Variants in SUSD3 observed in about 807,000 individuals in gnomAD.
The protein encoded by SUSD3 is sushi domain containing 3, also known as sushi domain-containing protein 3.
In SUSD3, 18 loss-of-function variants were observed where a neutral mutation model predicts 20.6. The ratio of observed to expected loss-of-function variants is 0.87; its 90% CI spans 0.60 to 1.30. The LOEUF (loss-of-function observed/expected upper bound fraction) is 1.30, where lower values mean the gene tolerates loss of function less well. Among genes scored for constraint, SUSD3 ranks in the 50% most tolerant of loss-of-function variants. SUSD3 has a pLI of 0.00. For synonymous variants in SUSD3, 137 were observed against 141.5 expected (o/e 0.97, Z 0.23); for missense variants, 306 against 346.9 (o/e 0.88, Z 0.94).
At position 93,084,550 on chromosome 9, in the gene SUSD3, A is replaced by C; in HGVS notation, c.571A>C (p.Ser191Arg). 6.3e-7 allele frequency: 1 copy of C among 1,594,044 alleles called. No homozygotes were observed. Among genetic ancestry groups the C allele is most frequent in the Middle Eastern group, 1.7e-4 (1 of 6,012 alleles). ...CTCTCTCCACAGAGACCATGGTGAG[A>C]GCACCAGCAAGCTGGCCAGTGTGAC... is the stretch of plus-strand genomic sequence containing the variant. ...NHSFTTDHGE[S>R]TSKLASVTRS... is the part of the protein sequence containing the mutation. The change falls in exon 5 of 5, where the codon AGC becomes CGC. Residue 191 changes from serine to arginine, a missense_variant. By Grantham distance (110) the Ser-to-Arg change is moderately radical. Coordinates refer to ENST00000375472, the MANE Select transcript of SUSD3 (RefSeq NM_145006.4).
chr9:93,063,326 C>T (rs1422579175), intron 1 of SUSD3, among the ~76,000 whole-genome samples: 1 of 152,182 alleles, frequency 6.6e-6, no homozygotes, highest in Non-Finnish European at 1.5e-5. Context: ...AGATCCTGCT[C>T]CAAGATCTCC....
At chr9:93,075,405 G>A (rs1238593777) in intron 1 of SUSD3, among the ~76,000 whole-genome samples, 1 of 130,470 alleles carries the variant, frequency 7.7e-6, no homozygotes, top group Admixed American at 7.9e-5. Flanking sequence ...ATCTCTCTCT[G>A]TCCCTCTTTT....
In SUSD3 at chr9:93,066,620, T is replaced by C. The variant is rs373147143; in HGVS notation, c.88+7790T>C. On this transcript the variant is annotated intron_variant, in intron 1 of 4. Coordinates refer to ENST00000375472, the MANE Select transcript of SUSD3 (RefSeq NM_145006.4). ...CAGCTTTACTGGGCCATAATTCACA[T>C]ACCATACAATTTACCTTTTTAAATC... Among the ~76,000 whole-genome samples, 15 of 152,352 alleles carry C rather than the reference T, an allele frequency of 9.8e-5. No individual in the cohort carries two copies. In the East Asian group the frequency reaches 2.5e-3, roughly 25 times the overall value.
At chr9:93,073,416 A>C (rs987736366) in intron 1 of SUSD3, among the ~76,000 whole-genome samples, 1 of 151,528 alleles carries the variant, frequency 6.6e-6, no homozygotes, top group African/African-American at 2.4e-5. Context: ...CTGGCTAATT[A>C]TTTTTCTATT....
intron 1 of SUSD3, among the ~76,000 whole-genome samples, chr9:93,062,018 C>T (rs544438290): frequency 6.6e-6 from 1 of 152,218 alleles, no homozygotes; most frequent in Non-Finnish European, 1.5e-5. Flanking sequence ...GACCTGAGGT[C>T]CAAGGTTCCA....
chr9:93,084,380 G>A (rs183600043), intron 4 of SUSD3, among the ~76,000 whole-genome samples, 157 bp from the exon 5 acceptor site: 1 of 152,158 alleles, frequency 6.6e-6, no homozygotes, highest in African/African-American at 2.4e-5. Context: ...ACCTTAGGGT[G>A]CAGGGCAGCT....
intron 1 of SUSD3, 38 bp from the exon 2 acceptor site, chr9:93,075,740 ACCCCCC>A: frequency 1.4e-5 from 2 of 146,806 alleles, no homozygotes; most frequent in African/African-American, 1.4e-4. Context: ...CTGCGTGCCC[ACCCCCC>A]CCCCCCCGCC....
At chr9:93,079,404 C>T (rs974723836) in intron 3 of SUSD3, 67 bp from the exon 4 acceptor site, 48 of 1,568,538 alleles carry the variant, frequency 3.1e-5, no homozygotes, top group Non-Finnish European at 3.7e-5. Context: ...CTACATGGAG[C>T]CTGTTTCCAC....
intron 1 of SUSD3, among the ~76,000 whole-genome samples, chr9:93,065,796 C>A (rs1587899008): frequency 6.6e-6 from 1 of 152,264 alleles, no homozygotes; most frequent in Non-Finnish European, 1.5e-5. Context: ...TTCCTTTGTT[C>A]TTGCATTCAT....
intron 4 of SUSD3, among the ~76,000 whole-genome samples, chr9:93,084,119 C>G (rs961768287): frequency 1.2e-4 from 18 of 152,170 alleles, no homozygotes; most frequent in South Asian, 2.1e-4. Context: ...AAGAGGCAGG[C>G]CTGGCAGGAG....
intron 2 of SUSD3, among the ~76,000 whole-genome samples, chr9:93,076,765 G>A (rs1488562560): frequency 6.6e-6 from 1 of 152,200 alleles, no homozygotes; most frequent in Non-Finnish European, 1.5e-5. Flanking sequence ...CAACCTTCAG[G>A]GTGGGCAGGC....
At chr9:93,081,462 C>T (rs1338829311) in intron 4 of SUSD3, among the ~76,000 whole-genome samples, 1 of 152,150 alleles carries the variant, frequency 6.6e-6, no homozygotes, top group African/African-American at 2.4e-5. Context: ...CAGTAGCGCT[C>T]ACCCTTTCAA....
intron 1 of SUSD3, among the ~76,000 whole-genome samples, chr9:93,071,839 G>C (rs902128212): frequency 3.3e-5 from 5 of 152,288 alleles, no homozygotes; most frequent in East Asian, 1.9e-4. Context: ...GGATACTAGA[G>C]GCAACCGCAG....
At chr9:93,076,813 C>T (rs1221216871) in intron 2 of SUSD3, among the ~76,000 whole-genome samples, 2 of 152,232 alleles carry the variant, frequency 1.3e-5, no homozygotes, top group Non-Finnish European at 2.9e-5. Context: ...GAGCCAGGCC[C>T]CTTCCCTGGC....
chr9:93,064,565 A>G (rs1187411161), intron 1 of SUSD3, among the ~76,000 whole-genome samples: 1 of 152,234 alleles, frequency 6.6e-6, no homozygotes, highest in Non-Finnish European at 1.5e-5. Context: ...TGGCAGATGA[A>G]GTGTGAACCA....
At chr9:93,067,752 T>C (rs1272096992) in intron 1 of SUSD3, among the ~76,000 whole-genome samples, 1 of 147,326 alleles carries the variant, frequency 6.8e-6, no homozygotes, top group Admixed American at 6.6e-5. Context: ...GGCCCACCAC[T>C]ACGCCTGGCT....
At chr9:93,083,294 G>T (rs558856501) in intron 4 of SUSD3, among the ~76,000 whole-genome samples, 1 of 152,174 alleles carries the variant, frequency 6.6e-6, no homozygotes, top group African/African-American at 2.4e-5. Flanking sequence ...CAGAGAAGGC[G>T]GGTCCTGCCC....
At chr9:93,082,310 CTT>C (rs561486543) in intron 4 of SUSD3, among the ~76,000 whole-genome samples, 3,370 of 86,498 alleles carry the variant, frequency 0.039, 24 homozygotes, top group African/African-American at 0.11. Context: ...GGCCTCTTTC[CTT>C]TTTTTTTTTT....
intron 1 of SUSD3, among the ~76,000 whole-genome samples, chr9:93,075,411 C>CTTTTTTTTTTTTTTTTTTTTT (rs58393196): frequency 3.6e-4 from 36 of 101,276 alleles, no homozygotes; most frequent in Middle Eastern, 6.3e-3. Flanking sequence ...CTCTGTCCCT[C>CTTTTTTTTTTTTTTTTTTTTT]TTTTTTTTTT....
Sources: gnomAD v4.1 joint callset for allele counts (sites outside exome capture counted in the v4.1 genomes callset) on GRCh38, gnomAD v4.1.1 for gene constraint, MANE v1.5 for transcripts, NCBI Gene and HGNC (gene_info 2026-07-23, HGNC 2026-07-21) for gene names.